CRAMP1: variants seen among roughly 807,000 people sequenced by gnomAD.
CRAMP1 encodes the protein protein cramped-like.
In CRAMP1, 50 loss-of-function variants were observed where a neutral mutation model predicts 115.4. The ratio of observed to expected loss-of-function variants is 0.43; its 90% CI spans 0.35 to 0.55. The LOEUF (loss-of-function observed/expected upper bound fraction) is 0.55. Ranked by LOEUF, CRAMP1 falls within the 20% of genes least tolerant of loss-of-function variation. CRAMP1 has a pLI of 0.01. For missense variants in CRAMP1, 1,679 were observed against 1,721.7 expected, an observed-to-expected ratio of 0.98 and a Z score of 0.44; for synonymous variants, 866 against 745.4, an observed-to-expected ratio of 1.16 and a Z score of -2.64.
At position 1,614,826 on chromosome 16, in the gene CRAMP1, C is replaced by A. The variant is rs1596479595; in HGVS notation, c.187C>A (p.Pro63Thr). ...CGGCGCCGACGGCCCCCCCGCGCCC[C>A]CCGGCGCGCCGCAGGCGCCGTCCCC... Reference protein sequence around the residue: ...RAGADGPPAPPGAPQAPSPPQ... With the variant: ...RAGADGPPAPTGAPQAPSPPQ... The change falls in exon 2 of 21, where the codon CCC becomes ACC. Residue 63 changes from proline to threonine, a missense_variant. This residue lies in a region of CRAMP1 where 264 missense variants were observed against 229.7 expected (regional missense o/e 1.15). Transcript: ENST00000397412. This position sits in a 1 kb window ranked among gnomAD's most constrained non-coding sequence, Gnocchi z 4.4. 19 of 1,270,620 alleles carry A rather than the reference C, an allele frequency of 1.5e-5. No individual in the cohort carries two copies. Among genetic ancestry groups the A allele is most frequent in the East Asian group, 6.3e-5 (2 of 31,926 alleles). 78.7% of individuals were successfully genotyped at this position (1,270,620 alleles called of 1,614,324 possible). A position where few individuals can be genotyped will look rare whatever the true frequency, so the allele number is the denominator to read the frequency against.
intron 6 of CRAMP1, among the ~76,000 whole-genome samples, chr16:1,642,053 GGCA>G (rs1411949112): frequency 1.3e-5 from 2 of 152,114 alleles, no homozygotes; most frequent in Non-Finnish European, 2.9e-5. Context: ...GAGCTATCCC[GGCA>G]GCCTGGCTGA....
chr16:1,627,423 A>G (rs1231127939), intron 3 of CRAMP1, among the ~76,000 whole-genome samples: 1 of 152,108 alleles, frequency 6.6e-6, no homozygotes, highest in Non-Finnish European at 1.5e-5. Flanking sequence ...TTGTTCTTTT[A>G]ATAGCTAATT....
chr16:1,615,130 T>C (rs893787402), intron 2 of CRAMP1, 145 bp downstream of exon 2: 12 of 410,752 alleles, frequency 2.9e-5, no homozygotes, highest in African/African-American at 1.7e-4. Context: ...GTGGCACTTA[T>C]GGGGCATGTG....
intron 2 of CRAMP1, among the ~76,000 whole-genome samples, chr16:1,625,249 C>A (rs750151613): frequency 1.3e-5 from 2 of 152,092 alleles, no homozygotes; most frequent in African/African-American, 2.4e-5. Context: ...TGCCTCCGGT[C>A]TCGGAGGAGC....
rs759377862 is a variant in CRAMP1, at chr16:1,666,384, A to G, written c.2858-38A>G. ...CTCTTGGGACATCTTATGGGTTGTC[A>G]GTAGAGCAGAGATGTGCAGCGTCCT... On this transcript the variant is annotated intron_variant, in intron 15 of 20. Transcript: ENST00000397412. The surrounding 1 kb of genome is among the most constrained non-coding windows in gnomAD (Gnocchi z 5.0). The G allele has an allele frequency of 2.1e-5, 33 of 1,584,270 alleles. 2 individuals carry two copies. In the South Asian group the frequency reaches 3.8e-4, roughly 18 times the overall value.
At chr16:1,668,326 C>A in intron 18 of CRAMP1, 133 bp downstream of exon 18, 1 of 713,026 alleles carries the variant, frequency 1.4e-6, no homozygotes, top group Non-Finnish European at 2.4e-6. Flanking sequence ...CTACAAGGTG[C>A]TGCCTGTCTC....
intron 4 of CRAMP1, among the ~76,000 whole-genome samples, chr16:1,632,636 A>G (rs1438673664): frequency 6.6e-6 from 1 of 152,166 alleles, no homozygotes; most frequent in African/African-American, 2.4e-5. Flanking sequence ...AGTGGCTCTG[A>G]GTGTGCGTGA....
chr16:1,641,256 A>G (rs994226146), intron 6 of CRAMP1, 69 bp downstream of exon 6: 8 of 1,143,078 alleles, frequency 7.0e-6, no homozygotes, highest in Non-Finnish European at 1.1e-5. Flanking sequence ...AAAATACAGA[A>G]GCTGAAATGC....
rs773049732 is a variant in CRAMP1 at position 1,656,662 on chromosome 16, A to C, written c.1905A>C (p.Ala635=). 2.7e-5 allele frequency: 43 copies of C among 1,574,382 alleles called. No individual in the cohort carries two copies. The highest frequency in any genetic ancestry group is 6.0e-6 in the Non-Finnish European group (7 of 1,161,272). The part of the protein sequence containing the change: ...LDVCTKDLAD[A]PAEELQEKGS... Reference sequence around the variant, plus strand: ...TTTGCACTAAAGACTTGGCAGATGCACCTGCGGAGGAGCTCCAGGAGAAGG... The same window carrying C: ...TTTGCACTAAAGACTTGGCAGATGCCCCTGCGGAGGAGCTCCAGGAGAAGG... Residue 635 remains alanine (A), a synonymous_variant, in exon 10 of 21, where the codon GCA becomes GCC. Coordinates refer to ENST00000397412, the MANE Select transcript of CRAMP1 (RefSeq NM_020825.4). This position sits in a 1 kb window ranked among gnomAD's most constrained non-coding sequence, Gnocchi z 5.6.
intron 2 of CRAMP1, among the ~76,000 whole-genome samples, chr16:1,624,591 T>A (rs529598003): frequency 1.3e-5 from 2 of 151,620 alleles, no homozygotes; most frequent in Non-Finnish European, 2.9e-5. Flanking sequence ...GCTAATTTTT[T>A]CTTTTTTAGA....
At chr16:1,623,657 G>C (rs1264776611) in intron 2 of CRAMP1, among the ~76,000 whole-genome samples, 1 of 152,216 alleles carries the variant, frequency 6.6e-6, no homozygotes, top group African/African-American at 2.4e-5. Context: ...CTTTGTTGTG[G>C]GTGGTGCAGA....
In CRAMP1 at chr16:1,656,236, C is replaced by T. The variant is rs191664890; in HGVS notation, c.1479C>T (p.Ser493=). The stretch of plus-strand genomic sequence containing the variant: ...GCTCCGGAGAGAGTTCCCCCGAAAG[C>T]GCCCCCGGGGAGGGGGCTGCCCTAA... ...LQSSGESSPE[S]APGEGAALSL... The change falls in exon 10 of 21, where the codon AGC becomes AGT. Residue 493 remains serine, a synonymous_variant. Transcript: ENST00000397412. This position sits in a 1 kb window ranked among gnomAD's most constrained non-coding sequence, Gnocchi z 5.6. The T allele has an allele frequency of 2.6e-5, 42 of 1,608,194 alleles. 1 individual carries two copies. The highest frequency in any genetic ancestry group is 3.3e-4 in the Middle Eastern group (2 of 6,054).
chr16:1,659,816 A>G (rs898342860), intron 10 of CRAMP1, 70 bp from the exon 11 acceptor site: 1 of 1,410,602 alleles, frequency 7.1e-7, no homozygotes, highest in Admixed American at 1.7e-5. Flanking sequence ...TGTGCCTCCT[A>G]CTCCAGGGCA....
At chr16:1,619,807 T>A (rs2036451061) in intron 2 of CRAMP1, among the ~76,000 whole-genome samples, 1 of 151,930 alleles carries the variant, frequency 6.6e-6, no homozygotes, top group East Asian at 1.9e-4. Flanking sequence ...TCCCAGAGGG[T>A]GTCGTGGAGA....
chr16:1,612,535 G>T lies in CRAMP1; in HGVS notation c.-124G>T, dbSNP rs1001761665. The T allele has an allele frequency of 6.6e-6, 1 of 152,044 alleles. No individual in the cohort carries two copies. The highest frequency in any genetic ancestry group is 1.5e-5 in the Non-Finnish European group (1 of 68,082). 9.4% of individuals were successfully genotyped at this position (152,044 alleles called of 1,614,324 possible). A position where few individuals can be genotyped will look rare whatever the true frequency, so the allele number is the denominator to read the frequency against. On this transcript the variant is annotated 5_prime_UTR_variant, in exon 1 of 21. Transcript: ENST00000397412. ...CAGTCGCTTCCGAGGCGGACGACCA[G>T]CCCGGCGTTGCGGCCTCCCTGCAGC... is the stretch of plus-strand genomic sequence containing the variant.
chr16:1,639,768 G>A (rs2036616689), intron 5 of CRAMP1, among the ~76,000 whole-genome samples: 1 of 152,194 alleles, frequency 6.6e-6, no homozygotes, highest in Non-Finnish European at 1.5e-5. Flanking sequence ...AGGGGAGGGG[G>A]CGTTGCAAAG....
At position 1,612,456 on chromosome 16, in the gene CRAMP1, C is replaced by T. The variant is rs1380241286; in HGVS notation, c.-203C>T. The T allele has an allele frequency of 6.6e-6, 1 of 151,386 alleles. No homozygotes were observed. Among genetic ancestry groups the T allele is most frequent in the South Asian group, 2.1e-4 (1 of 4,836 alleles). 9.4% of individuals were successfully genotyped at this position (151,386 alleles called of 1,614,324 possible). A position where few individuals can be genotyped will look rare whatever the true frequency, so the allele number is the denominator to read the frequency against. The stretch of plus-strand genomic sequence containing the variant: ...CGGCAGTATCTGCGTCCGCAGCCCC[C>T]GCAGCCGCGCGCCGGCCCGCGGAGG... On this transcript the variant is annotated 5_prime_UTR_variant, in exon 1 of 21. Coordinates refer to ENST00000397412, the MANE Select transcript of CRAMP1 (RefSeq NM_020825.4).
intron 2 of CRAMP1, among the ~76,000 whole-genome samples, chr16:1,619,062 A>T (rs1189508614): frequency 6.6e-6 from 1 of 152,256 alleles, no homozygotes; most frequent in Non-Finnish European, 1.5e-5. Flanking sequence ...TTATGTAAGG[A>T]TATAACAGGG....
At chr16:1,620,592 A>G (rs1303764985) in intron 2 of CRAMP1, 1 of 455,808 alleles carries the variant, frequency 2.2e-6, no homozygotes, top group Non-Finnish European at 4.4e-6. Context: ...GTTAGAGATG[A>G]TGACAGGGTG....
Sources: gnomAD v4.1 joint callset for allele counts (sites outside exome capture counted in the v4.1 genomes callset) on GRCh38, gnomAD v4.1.1 for gene constraint, gnomAD v4.1.1 regional missense constraint, Gnocchi (gnomAD v3.1) non-coding constraint, MANE v1.5 for transcripts, NCBI Gene and HGNC (gene_info 2026-07-23, HGNC 2026-07-21) for gene names.